The following CRACDL variants were observed in gnomAD, a reference collection of about 807,000 sequenced individuals.
CRACDL encodes CRACD like, also known as CRACD-like protein.
In CRACDL, 26 loss-of-function variants were observed where a neutral mutation model predicts 70.6. The ratio of observed to expected loss-of-function variants is 0.37; its 90% CI spans 0.27 to 0.51. The LOEUF is 0.51. CRACDL is among the 20% of genes least tolerant of loss of function. The pLI is 0.94. For missense variants in CRACDL, 1,283 were observed against 1,376.9 expected, an observed-to-expected ratio of 0.93 and a Z score of 1.08; for synonymous variants, 618 against 615.2, an observed-to-expected ratio of 1.00 and a Z score of -0.07.
At chr2:98,904,547 A>G (rs184929342) in intron 1 of CRACDL, among the ~76,000 whole-genome samples, 1 of 152,324 alleles carries the variant, frequency 6.6e-6, no homozygotes, top group East Asian at 1.9e-4. Flanking sequence ...TGAGGATCCA[A>G]TTAGATACTG....
At chr2:98,861,584 C>T (rs540919501) in intron 1 of CRACDL, among the ~76,000 whole-genome samples, 19 of 152,238 alleles carry the variant, frequency 1.2e-4, no homozygotes, top group African/African-American at 4.1e-4. Context: ...AGATATCTAC[C>T]TCAGGGAAAT....
At chr2:98,913,071 C>G (rs750102482) in intron 1 of CRACDL, 3 of 152,204 alleles carry the variant, frequency 2.0e-5, no homozygotes, top group Non-Finnish European at 2.9e-5. Flanking sequence ...GCCACATTTC[C>G]CAAACATAAA....
intron 3 of CRACDL, among the ~76,000 whole-genome samples, chr2:98,837,366 T>G (rs1346666138): frequency 6.6e-6 from 1 of 152,076 alleles, no homozygotes; most frequent in East Asian, 1.9e-4. Context: ...TGCTCAAGCC[T>G]GGGACCCATC....
intron 1 of CRACDL, among the ~76,000 whole-genome samples, chr2:98,912,438 C>T (rs1708567134): frequency 6.6e-6 from 1 of 152,220 alleles, no homozygotes; most frequent in Admixed American, 6.5e-5. Context: ...TGGCCACACC[C>T]ATGCAGGGTC....
chr2:98,916,553 C>A (rs554225842), intron 1 of CRACDL, among the ~76,000 whole-genome samples: 18 of 152,028 alleles, frequency 1.2e-4, no homozygotes, highest in Non-Finnish European at 2.6e-4. Context: ...GATATGAAAT[C>A]TCCCATAATT....
At chr2:98,832,305 G>A (rs1227113596) in intron 5 of CRACDL, 43 bp downstream of exon 5, 1 of 1,607,212 alleles carries the variant, frequency 6.2e-7, no homozygotes, top group Non-Finnish European at 8.5e-7. Context: ...ACCCTCCAGG[G>A]CAGGTGTGGA....
rs1191309964 is a variant in CRACDL, at chr2:98,821,886, G to A, written c.2387C>T (p.Ala796Val). The change falls in exon 7 of 10, where the codon GCG (alanine) becomes GTG (valine). Residue 796 changes from alanine (A) to valine (V), a missense_variant. Physicochemically the swap from Ala to Val is moderately conservative, Grantham distance 64. This residue lies in a region of CRACDL where 921 missense variants were observed against 881.9 expected (regional missense o/e 1.04). Coordinates refer to ENST00000397899, the MANE Select transcript of CRACDL (RefSeq NM_207362.3). ...TCCCCTGCGCAGCGGCCTTTTCTCC[G>A]CCGTCCTGGGCTCCTTCCTGGGTTC... ...EREPRKEPRT[A>V]EKRPLRRGAE... 2 of 1,604,124 alleles carry A rather than the reference G, an allele frequency of 1.2e-6. No homozygotes were observed.
chr2:98,885,665 T>C (rs1184940955), intron 1 of CRACDL, among the ~76,000 whole-genome samples: 2 of 152,166 alleles, frequency 1.3e-5, no homozygotes, highest in African/African-American at 2.4e-5. Context: ...ACTGGAGCTC[T>C]CACTTGGCAA....
intron 1 of CRACDL, among the ~76,000 whole-genome samples, chr2:98,913,821 G>A (rs895665404): frequency 1.9e-4 from 29 of 152,220 alleles, no homozygotes; most frequent in African/African-American, 6.5e-4. Flanking sequence ...GATGCAATCA[G>A]CTAAGCTATG....
intron 1 of CRACDL, among the ~76,000 whole-genome samples, chr2:98,899,479 C>T (rs1708209869): frequency 6.6e-6 from 1 of 152,186 alleles, no homozygotes; most frequent in South Asian, 2.1e-4. Context: ...GCTGTGATCC[C>T]ATGTGTGTGG....
At chr2:98,914,286 C>T (rs1708614473) in intron 1 of CRACDL, among the ~76,000 whole-genome samples, 1 of 152,214 alleles carries the variant, frequency 6.6e-6, no homozygotes, top group African/African-American at 2.4e-5. Flanking sequence ...TGGCCCAGCT[C>T]CCAGCCCCCC....
chr2:98,933,604 C>A (rs907451898), intron 1 of CRACDL, among the ~76,000 whole-genome samples: 7 of 152,260 alleles, frequency 4.6e-5, no homozygotes, highest in African/African-American at 7.2e-5. Context: ...ACCTGCAACA[C>A]AAGCAGTATT....
chr2:98,895,037 G>A (rs539250942), intron 1 of CRACDL, among the ~76,000 whole-genome samples: 1 of 152,236 alleles, frequency 6.6e-6, no homozygotes, highest in Admixed American at 6.5e-5. Flanking sequence ...CTTGAGCCTG[G>A]GAGATTGAGG....
In CRACDL at chr2:98,794,558, T is replaced by A; in HGVS notation, c.2863A>T (p.Ser955Cys). Residue 955 changes from serine (S) to cysteine (C), a missense_variant, in exon 10 of 10, where the codon AGT becomes TGT. Around this residue, in one of 2 missense-constraint regions of CRACDL, gnomAD observed 921 missense variants for 881.9 expected, o/e 1.04. Transcript: ENST00000397899. The part of the protein sequence containing the change: ...ELARKKSQAW[S>C]DMPQIIK The stretch of plus-strand genomic sequence containing the variant: ...TATTTTATAATCTGGGGCATGTCAC[T>A]CCAAGCTTGAGATTTCTTTCTGGCA... The A allele has an allele frequency of 6.2e-7, 1 of 1,614,066 alleles. No homozygotes were observed. The highest frequency in any genetic ancestry group is 8.5e-7 in the Non-Finnish European group (1 of 1,179,948).
At chr2:98,882,451 T>G (rs982966911) in intron 1 of CRACDL, among the ~76,000 whole-genome samples, 2 of 152,220 alleles carry the variant, frequency 1.3e-5, no homozygotes, top group African/African-American at 4.8e-5. Context: ...TCATGGATTT[T>G]CAGAATTGTT....
At chr2:98,865,806 T>C (rs1020638828) in intron 1 of CRACDL, among the ~76,000 whole-genome samples, 1 of 151,434 alleles carries the variant, frequency 6.6e-6, no homozygotes, top group Non-Finnish European at 1.5e-5. Context: ...TGCTTTTTTT[T>C]TTTTTTTTTT....
chr2:98,884,708 C>T (rs941538149), intron 1 of CRACDL, among the ~76,000 whole-genome samples: 3 of 152,222 alleles, frequency 2.0e-5, no homozygotes, highest in African/African-American at 7.2e-5. Flanking sequence ...AGTGTTCCCT[C>T]ACTCCTGCTA....
intron 1 of CRACDL, among the ~76,000 whole-genome samples, chr2:98,884,418 G>C (rs1303611535): frequency 6.6e-6 from 1 of 152,214 alleles, no homozygotes; most frequent in Non-Finnish European, 1.5e-5. Context: ...ATAGAGTAAG[G>C]TGGTGGGGCT....
intron 1 of CRACDL, among the ~76,000 whole-genome samples, chr2:98,905,043 G>A (rs930293525): frequency 6.6e-6 from 1 of 152,058 alleles, no homozygotes. Flanking sequence ...GAGGTCAGGA[G>A]ATCGAGACCA....
Sources: gnomAD v4.1 joint callset for allele counts (sites outside exome capture counted in the v4.1 genomes callset) on GRCh38, gnomAD v4.1.1 for gene constraint, gnomAD v4.1.1 regional missense constraint, MANE v1.5 for transcripts, NCBI Gene and HGNC (gene_info 2026-07-23, HGNC 2026-07-21) for gene names.